KHDRBS1: variants seen among roughly 807,000 people sequenced by gnomAD.
KHDRBS1 encodes KH domain-containing, RNA-binding, signal transduction-associated protein 1.
KHDRBS1 carries 7 observed loss-of-function variants against 48.4 expected under a neutral mutation model. The observed-to-expected ratio is 0.14, with a 90% confidence interval of 0.08 to 0.27. KHDRBS1 has a LOEUF of 0.27. Among genes scored for constraint, KHDRBS1 ranks in the 10% least tolerant of loss-of-function variants. The pLI is 1.00. For synonymous variants in KHDRBS1, 241 were observed against 235.8 expected (o/e 1.02, Z -0.20); for missense variants, 458 against 601.2 (o/e 0.76, Z 2.49).
chr1:32,015,015 G>C (rs1638708669), intron 1 of KHDRBS1, among the ~76,000 whole-genome samples: 1 of 152,192 alleles, frequency 6.6e-6, no homozygotes, highest in Non-Finnish European at 1.5e-5. Flanking sequence ...TTGCTACTGA[G>C]CCATTTTACA....
At chr1:32,060,510 C>T (rs1639531038) in exon 11 of KHDRBS1, 1 of 152,038 alleles carries the variant, frequency 6.6e-6, no homozygotes, top group Admixed American at 6.6e-5. Context: ...CTTTAGCCTC[C>T]CATAGAATTG....
At chr1:32,023,286 T>C (rs1191006126) in intron 1 of KHDRBS1, among the ~76,000 whole-genome samples, 1 of 152,228 alleles carries the variant, frequency 6.6e-6, no homozygotes, top group Non-Finnish European at 1.5e-5. Context: ...CTGAATTTAC[T>C]TTCTTTGGTA....
intron 1 of KHDRBS1, among the ~76,000 whole-genome samples, chr1:32,022,989 A>G (rs1390322267): frequency 6.6e-6 from 1 of 152,000 alleles, no homozygotes; most frequent in African/African-American, 2.4e-5. Context: ...AGACTTCTCT[A>G]ATATTAACTT....
At chr1:32,034,832 T>C (rs936382402) in intron 4 of KHDRBS1, among the ~76,000 whole-genome samples, 1 of 151,238 alleles carries the variant, frequency 6.6e-6, no homozygotes, top group African/African-American at 2.4e-5. Flanking sequence ...AAAAAAAAAA[T>C]TAGCTGGGCG....
chr1:32,041,583 C>T (rs939125868), intron 8 of KHDRBS1, among the ~76,000 whole-genome samples: 10 of 75,584 alleles, frequency 1.3e-4, no homozygotes, highest in East Asian at 4.6e-4. Flanking sequence ...AGGAATTATC[C>T]TTTTTTTTTT....
At chr1:32,018,853 T>C (rs1277236272) in intron 1 of KHDRBS1, among the ~76,000 whole-genome samples, 1 of 152,086 alleles carries the variant, frequency 6.6e-6, no homozygotes, top group African/African-American at 2.4e-5. Flanking sequence ...GTCGGATCAC[T>C]TGAGGTCAGA....
intron 10 of KHDRBS1, among the ~76,000 whole-genome samples, chr1:32,051,205 A>C (rs1247231895): frequency 1.3e-5 from 2 of 152,162 alleles, no homozygotes; most frequent in East Asian, 3.8e-4. Context: ...GCCCAAATTC[A>C]TTCTTTTACA....
At chr1:32,059,122 C>T (rs1397280709) in intron 10 of KHDRBS1, among the ~76,000 whole-genome samples, 1 of 146,132 alleles carries the variant, frequency 6.8e-6, no homozygotes, top group Non-Finnish European at 1.5e-5. Flanking sequence ...GATTATGCCC[C>T]TGCACTCCAG....
At chr1:32,038,206 T>C in intron 6 of KHDRBS1, 170 bp downstream of exon 6, 1 of 1,082,904 alleles carries the variant, frequency 9.2e-7, no homozygotes. Context: ...TTTTCCATTT[T>C]AGGCAGGGTT....
intron 1 of KHDRBS1, among the ~76,000 whole-genome samples, chr1:32,026,604 TCA>T (rs1638975264): frequency 6.6e-6 from 1 of 152,186 alleles, no homozygotes; most frequent in African/African-American, 2.4e-5. Flanking sequence ...GGCCTTAAAT[TCA>T]CAGAGTGCAT....
At chr1:32,057,744 A>G (rs2124403563) in intron 10 of KHDRBS1, among the ~76,000 whole-genome samples, 1 of 149,884 alleles carries the variant, frequency 6.7e-6, no homozygotes, top group South Asian at 2.1e-4. Flanking sequence ...GCTTGCAGTG[A>G]GCTGAGATCG....
Position 32,054,373 on chromosome 1 carries a change from C to G in KHDRBS1, n.1302-5790C>G, listed in dbSNP as rs1639456712. 2.0e-5 allele frequency: 3 copies of G among 152,288 alleles called. No individual in the cohort carries two copies. In the South Asian group the frequency reaches 6.2e-4, roughly 32 times the overall value. The allele number at this position is 152,288 out of a possible 1,614,324, so 9.4% of individuals were successfully genotyped here. A position where few individuals can be genotyped will look rare whatever the true frequency, so the allele number is the denominator to read the frequency against. On this transcript the variant is annotated intron_variant and non_coding_transcript_variant, in intron 10 of 10. Coordinates refer to the KHDRBS1 transcript ENST00000484270. ...CCCTTCTTGTCCTCCCGCCTTCCCT[C>G]CTGCCTGAAGGCCTTTAATTCCTGC... is the stretch of plus-strand genomic sequence containing the variant.
intron 8 of KHDRBS1, among the ~76,000 whole-genome samples, chr1:32,041,586 T>C (rs1032155906): frequency 5.3e-5 from 7 of 132,892 alleles, no homozygotes; most frequent in African/African-American, 2.0e-4. Flanking sequence ...AATTATCCTT[T>C]TTTTTTTTTT....
intron 10 of KHDRBS1, among the ~76,000 whole-genome samples, chr1:32,053,945 G>T (rs112569468): frequency 0.028 from 4,281 of 152,104 alleles, 191 homozygotes; most frequent in African/African-American, 0.096. Context: ...TTAGCTGGGC[G>T]TGGTGGCGCA....
downstream of KHDRBS1, among the ~76,000 whole-genome samples, chr1:32,048,322 A>G (rs1048839484): frequency 6.6e-6 from 1 of 152,140 alleles, no homozygotes; most frequent in African/African-American, 2.4e-5. Flanking sequence ...AGCCGGGACA[A>G]CATAGCAGAC....
At chr1:32,028,935 T>C (rs1167610494) in intron 1 of KHDRBS1, among the ~76,000 whole-genome samples, 1 of 152,118 alleles carries the variant, frequency 6.6e-6, no homozygotes, top group African/African-American at 2.4e-5. Context: ...ACCTCTATAG[T>C]CTGGGAACTC....
chr1:32,017,501 ATCTT>A (rs1638765619), intron 1 of KHDRBS1, among the ~76,000 whole-genome samples: 2 of 150,864 alleles, frequency 1.3e-5, no homozygotes, highest in African/African-American at 2.4e-5. Flanking sequence ...TCAATCATCT[ATCTT>A]TGTTTTCTGG....
At chr1:32,018,759 AAAC>A (rs1638795485) in intron 1 of KHDRBS1, among the ~76,000 whole-genome samples, 2 of 147,400 alleles carry the variant, frequency 1.4e-5, no homozygotes, top group African/African-American at 2.5e-5. Context: ...TCCGTCTCAA[AAAC>A]AAACAAACAA....
At chr1:32,049,304 C>T (rs1204003866) in intron 10 of KHDRBS1, among the ~76,000 whole-genome samples, 1 of 152,068 alleles carries the variant, frequency 6.6e-6, no homozygotes, top group East Asian at 1.9e-4. Flanking sequence ...GATCCGCCTA[C>T]CTTGGCCTTC....
Sources: allele counts gnomAD v4.1 joint callset (sites outside exome capture counted in the v4.1 genomes callset), GRCh38; gene constraint gnomAD v4.1.1; transcripts MANE v1.5; gene names NCBI Gene and HGNC (gene_info 2026-07-23, HGNC 2026-07-21).